AKAP10: variants seen among roughly 807,000 people sequenced by gnomAD.
AKAP10 encodes the protein A-kinase anchoring protein 10.
AKAP10 carries 24 observed loss-of-function variants against 80.8 expected under a neutral mutation model. That is an observed-to-expected ratio of 0.30 (90% confidence interval 0.22 to 0.42). The LOEUF (loss-of-function observed/expected upper bound fraction) is 0.42, where lower values mean the gene tolerates loss of function less well. AKAP10 is among the 10% of genes least tolerant of loss of function. The pLI is 1.00. For synonymous variants in AKAP10, 291 were observed against 277.7 expected, an observed-to-expected ratio of 1.05 and a Z score of -0.48; for missense variants, 661 against 794.9, an observed-to-expected ratio of 0.83 and a Z score of 2.03.
At chr17:19,922,954 T>C (rs1481475522) in intron 11 of AKAP10, among the ~76,000 whole-genome samples, 3 of 152,168 alleles carry the variant, frequency 2.0e-5, no homozygotes, top group Non-Finnish European at 2.9e-5. Context: ...TACACACAAT[T>C]ACAGAAGTGA....
At position 19,931,792 on chromosome 17, in the gene AKAP10, A is replaced by G. The variant is rs60324472; in HGVS notation, c.1641+13T>C. On this transcript the variant is annotated intron_variant, in intron 10 of 14. Coordinates refer to ENST00000225737, the MANE Select transcript of AKAP10 (RefSeq NM_007202.4). Reference sequence around the variant, plus strand: ...TGCTTTTCTCCCTAATGGCAGACGCAATCAGTCAATACCTGAGACGCAGAG... The same window carrying G: ...TGCTTTTCTCCCTAATGGCAGACGCGATCAGTCAATACCTGAGACGCAGAG... The G allele has an allele frequency of 9.6e-4, 1,542 of 1,605,994 alleles. 17 individuals carry two copies. The African/African-American group carries it at 0.019, about 20-fold the overall frequency.
intron 4 of AKAP10, among the ~76,000 whole-genome samples, chr17:19,956,725 T>G (rs2043280163): frequency 6.6e-6 from 1 of 152,006 alleles, no homozygotes; most frequent in Non-Finnish European, 1.5e-5. Context: ...TAACATGCCG[T>G]CAGGTGTGGT....
chr17:19,964,896 G>GA (rs1231640537), intron 2 of AKAP10, among the ~76,000 whole-genome samples: 5 of 152,112 alleles, frequency 3.3e-5, no homozygotes, highest in Non-Finnish European at 4.4e-5. Flanking sequence ...ATCTGTCTCA[G>GA]AAAAAACAAC....
Position 19,905,746 on chromosome 17 carries a change from C to T in AKAP10, c.*481G>A, listed in dbSNP as rs1379017922. Reference sequence around the variant, plus strand: ...TGAAGCTGCTAGCACCACGCTGCCACTCAAAGCTGCCTGGCTCTCGGTGGG... The same window carrying T: ...TGAAGCTGCTAGCACCACGCTGCCATTCAAAGCTGCCTGGCTCTCGGTGGG... On this transcript the variant is annotated 3_prime_UTR_variant, in exon 15 of 15. Coordinates refer to ENST00000225737, the MANE Select transcript of AKAP10 (RefSeq NM_007202.4). The T allele has an allele frequency of 6.5e-6, 1 of 154,098 alleles. No homozygotes were observed. Among genetic ancestry groups the T allele is most frequent in the Non-Finnish European group, 1.4e-5 (1 of 69,048 alleles). 9.5% of individuals were successfully genotyped at this position (154,098 alleles called of 1,614,324 possible).
chr17:19,931,737 G>T, intron 10 of AKAP10, 68 bp downstream of exon 10: 1 of 1,493,092 alleles, frequency 6.7e-7, no homozygotes, highest in Non-Finnish European at 9.1e-7. Flanking sequence ...AATAGGATCT[G>T]TTACTGGGAT....
At chr17:19,910,325 C>CA (rs3031068) in intron 12 of AKAP10, among the ~76,000 whole-genome samples, 1,278 of 90,552 alleles carry the variant, frequency 0.014, 44 homozygotes, top group African/African-American at 0.043. Flanking sequence ...GACTCCAACT[C>CA]AAAAAAAAAA....
chr17:19,948,462 G>A (rs562884560), intron 4 of AKAP10, among the ~76,000 whole-genome samples: 1 of 152,066 alleles, frequency 6.6e-6, no homozygotes, highest in South Asian at 2.1e-4. Context: ...TCTCTCCTTC[G>A]ACTCCCAGGC....
In AKAP10 at chr17:19,945,189, G is replaced by C. The variant is rs984661491; in HGVS notation, c.976+2218C>G. 2.0e-5 allele frequency among the ~76,000 whole-genome samples: 3 copies of C among 152,022 alleles called. No individual in the cohort carries two copies. In the East Asian group the frequency reaches 5.8e-4, roughly 29 times the overall value. ...TCCTTCAGAAGACTTTTCCTTCATGGGATTACATCATCATTAATTTGATTA... is the reference window on the plus strand; with the variant it reads ...TCCTTCAGAAGACTTTTCCTTCATGCGATTACATCATCATTAATTTGATTA... On this transcript the variant is annotated intron_variant, in intron 5 of 14. Coordinates refer to ENST00000225737, the MANE Select transcript of AKAP10 (RefSeq NM_007202.4).
Position 19,943,453 on chromosome 17 carries a change from A to G in AKAP10, c.977-1543T>C, listed in dbSNP as rs193281552. Reference sequence around the variant, plus strand: ...TAATGAAGTCTCCACAAAAAACCCAAAAGGACAGAATGGGGAGGGGGGCTT... The same window carrying G: ...TAATGAAGTCTCCACAAAAAACCCAGAAGGACAGAATGGGGAGGGGGGCTT... On this transcript the variant is annotated intron_variant, in intron 5 of 14. Coordinates refer to ENST00000225737, the MANE Select transcript of AKAP10 (RefSeq NM_007202.4). Among the ~76,000 whole-genome samples the G allele has an allele frequency of 3.3e-4, 51 of 152,270 alleles. 1 individual carries two copies. The highest frequency in any genetic ancestry group is 1.9e-4 in the Non-Finnish European group (13 of 68,016).
intron 12 of AKAP10, among the ~76,000 whole-genome samples, chr17:19,913,689 T>C (rs192804052): frequency 6.6e-6 from 1 of 152,324 alleles, no homozygotes; most frequent in Admixed American, 6.5e-5. Context: ...TATTTGGGGA[T>C]TGAGAAGAGA....
At chr17:19,971,174 T>C (rs1163224077) in intron 1 of AKAP10, among the ~76,000 whole-genome samples, 1 of 152,058 alleles carries the variant, frequency 6.6e-6, no homozygotes, top group African/African-American at 2.4e-5. Context: ...TATACATGTA[T>C]GTGTATTTTT....
At chr17:19,926,937 A>G (rs572019543) in intron 10 of AKAP10, among the ~76,000 whole-genome samples, 1 of 152,318 alleles carries the variant, frequency 6.6e-6, no homozygotes, top group Non-Finnish European at 1.5e-5. Flanking sequence ...CCGGGTGAAC[A>G]TGGTGAAACA....
intron 12 of AKAP10, among the ~76,000 whole-genome samples, chr17:19,916,610 T>C (rs563143100): frequency 6.6e-6 from 1 of 151,352 alleles, no homozygotes; most frequent in Non-Finnish European, 1.5e-5. Flanking sequence ...CACTTCTTCA[T>C]GAGCTGTCAG....
At chr17:19,915,433 T>A (rs2042733865) in intron 12 of AKAP10, among the ~76,000 whole-genome samples, 1 of 152,156 alleles carries the variant, frequency 6.6e-6, no homozygotes, top group Non-Finnish European at 1.5e-5. Context: ...CTTATTTACA[T>A]CCTTGGCATT....
chr17:19,946,312 G>T (rs2043131577), intron 5 of AKAP10, among the ~76,000 whole-genome samples: 1 of 96,810 alleles, frequency 1.0e-5, no homozygotes, highest in Non-Finnish European at 2.0e-5. Context: ...CAGGGGGTGA[G>T]GGCATAAGAG....
Position 19,946,219 on chromosome 17 carries a change from ATTT to A in AKAP10, c.976+1185_976+1187del, listed in dbSNP as rs1555576578. Among the ~76,000 whole-genome samples, 91 of 26,694 alleles carry A rather than the reference ATTT, an allele frequency of 3.4e-3. 7 individuals are homozygous for A. The highest frequency in any genetic ancestry group is 7.6e-3 in the African/African-American group (60 of 7,946). 17.5% of individuals were successfully genotyped at this position (26,694 alleles called of 152,430 possible). ...ATACATATATTTTATATATATATAT[ATTT>A]TATATATATATATATTATATATATA... On this transcript the variant is annotated intron_variant, in intron 5 of 14. Transcript: ENST00000225737.
At chr17:19,968,631 G>A (rs1382984673) in intron 1 of AKAP10, among the ~76,000 whole-genome samples, 170 bp from the exon 2 acceptor site, 2 of 152,190 alleles carry the variant, frequency 1.3e-5, no homozygotes, top group African/African-American at 4.8e-5. Context: ...GCTTCTCTAA[G>A]GAAGTGACCT....
At chr17:19,937,928 C>T (rs1307587474) in intron 8 of AKAP10, among the ~76,000 whole-genome samples, 1 of 151,714 alleles carries the variant, frequency 6.6e-6, no homozygotes, top group African/African-American at 2.4e-5. Context: ...CCTGGTCACA[C>T]CTCAAACCTG....
intron 1 of AKAP10, among the ~76,000 whole-genome samples, chr17:19,972,164 C>T (rs1430828086): frequency 2.0e-5 from 3 of 152,202 alleles, no homozygotes; most frequent in Non-Finnish European, 4.4e-5. Flanking sequence ...ATTCCATGCA[C>T]TCATATAGCC....
Sources: gnomAD v4.1 joint callset for allele counts (sites outside exome capture counted in the v4.1 genomes callset) on GRCh38, gnomAD v4.1.1 for gene constraint, MANE v1.5 for transcripts, NCBI Gene and HGNC (gene_info 2026-07-23, HGNC 2026-07-21) for gene names.